EDDM13: variants seen among roughly 807,000 people sequenced by gnomAD.
EDDM13 encodes the protein epididymal protein 13.
EDDM13 carries 24 observed loss-of-function variants against 17.8 expected under a neutral mutation model. The observed-to-expected ratio is 1.35, with a 90% CI of 0.98 to 1.90. The LOEUF (loss-of-function observed/expected upper bound fraction) is 1.90. Ranked by LOEUF, EDDM13 falls within the 40% of genes most tolerant of loss-of-function variation. EDDM13 has a pLI of 0.00. For synonymous variants in EDDM13, 31 were observed against 37.5 expected (o/e 0.83, Z 0.63); for missense variants, 97 against 100.8 (o/e 0.96, Z 0.16).
At chr19:56,305,446 C>T (rs1398118846) in intron 14 of EDDM13, among the ~76,000 whole-genome samples, 1 of 152,210 alleles carries the variant, frequency 6.6e-6, no homozygotes, top group Non-Finnish European at 1.5e-5. Flanking sequence ...TAACACTCCA[C>T]GGCATGGACA....
At chr19:56,287,928 C>T (rs549708972) in intron 6 of EDDM13, among the ~76,000 whole-genome samples, 3 of 152,360 alleles carry the variant, frequency 2.0e-5, no homozygotes, top group African/African-American at 7.2e-5. Context: ...AGGACACTTC[C>T]AGTGTTAGCT....
chr19:56,286,852 G>A (rs751610528), intron 6 of EDDM13, among the ~76,000 whole-genome samples: 9 of 152,246 alleles, frequency 5.9e-5, no homozygotes, highest in Non-Finnish European at 1.3e-4. Context: ...CCGGCAGAGC[G>A]AATGCTAGTG....
Position 56,296,676 on chromosome 19 carries a change from G to C in EDDM13, c.268+314G>C, listed in dbSNP as rs181991645. Among the ~76,000 whole-genome samples, 211 of 152,280 alleles carry C rather than the reference G, an allele frequency of 1.4e-3. 1 individual carries two copies. The highest frequency in any genetic ancestry group is 6.2e-4 in the Non-Finnish European group (42 of 68,024). Reference sequence around the variant, plus strand: ...AACAAAGAGCAGTAGTTATAGGTCTGCTGAAGGCTATTATGTCCTATGGAG... The same window carrying C: ...AACAAAGAGCAGTAGTTATAGGTCTCCTGAAGGCTATTATGTCCTATGGAG... On this transcript the variant is annotated intron_variant, in intron 11 of 14. Transcript: ENST00000649256.
chr19:56,305,749 A>G (rs1270956351), intron 14 of EDDM13, among the ~76,000 whole-genome samples: 6 of 152,198 alleles, frequency 3.9e-5, no homozygotes, highest in African/African-American at 1.4e-4. Flanking sequence ...AGCTGAGGAT[A>G]TGATGAAAAA....
chr19:56,308,331 C>CTTTTTTT lies in EDDM13; in HGVS notation c.462-1789_462-1783dup, dbSNP rs543582885. 2.3e-3 allele frequency among the ~76,000 whole-genome samples: 336 copies of CTTTTTTT among 144,732 alleles called. 2 individuals carry two copies. The East Asian group carries it at 0.029, about 12-fold the overall frequency. 94.9% of individuals were successfully genotyped at this position (144,732 alleles called of 152,430 possible). A position where few individuals can be genotyped will look rare whatever the true frequency, so the allele number is the denominator to read the frequency against. On this transcript the variant is annotated intron_variant, in intron 14 of 14. Coordinates refer to ENST00000649256, the MANE Select transcript of EDDM13 (RefSeq NM_001354658.2). ...ACAGGCGTGAGCGGTGGCTCCCAGT[C>CTTTTTTT]TTTTTTTTTTGAGATGGAGGCTCAC...
At chr19:56,280,618 A>G (rs1347959959) in intron 2 of EDDM13, 1 of 152,188 alleles carries the variant, frequency 6.6e-6, no homozygotes. Context: ...ATGAATAGAA[A>G]TTTATTGGCT....
At chr19:56,300,984 A>G (rs941702781) in intron 12 of EDDM13, among the ~76,000 whole-genome samples, 1 of 152,104 alleles carries the variant, frequency 6.6e-6, no homozygotes, top group South Asian at 2.1e-4. Flanking sequence ...TGAGAAAGAG[A>G]AAGGATGGCG....
chr19:56,307,338 A>C (rs2040759112), intron 14 of EDDM13, among the ~76,000 whole-genome samples: 1 of 152,194 alleles, frequency 6.6e-6, no homozygotes, highest in South Asian at 2.1e-4. Context: ...TAAATCCACC[A>C]GTGGAAACTC....
intron 14 of EDDM13, among the ~76,000 whole-genome samples, chr19:56,307,452 T>A (rs191725740): frequency 1.3e-5 from 2 of 152,358 alleles, no homozygotes; most frequent in East Asian, 3.9e-4. Context: ...AATTCTAAGT[T>A]GCTTTTCATT....
At chr19:56,275,637 C>CT (rs1361517795) in intron 1 of EDDM13, among the ~76,000 whole-genome samples, 1 of 152,174 alleles carries the variant, frequency 6.6e-6, no homozygotes, top group Admixed American at 6.5e-5. Flanking sequence ...AGTGTGATGA[C>CT]CACAGATTCT....
At chr19:56,286,150 T>C (rs1452678077) in intron 6 of EDDM13, among the ~76,000 whole-genome samples, 2 of 151,876 alleles carry the variant, frequency 1.3e-5, no homozygotes, top group South Asian at 2.1e-4. Flanking sequence ...GCCTCCCGAG[T>C]AGCTGGGACT....
At chr19:56,285,097 A>G (rs2086877165) in intron 6 of EDDM13, 73 bp downstream of exon 6, 1 of 797,138 alleles carries the variant, frequency 1.3e-6, no homozygotes, top group Non-Finnish European at 1.5e-6. Flanking sequence ...TTATTGAGTC[A>G]TTTATGCTTT....
intron 12 of EDDM13, among the ~76,000 whole-genome samples, chr19:56,299,156 C>T (rs966595440): frequency 1.3e-5 from 2 of 151,564 alleles, no homozygotes; most frequent in Non-Finnish European, 2.9e-5. Context: ...TTTTGAGACA[C>T]GGTCTAGCTT....
Position 56,299,844 on chromosome 19 carries a change from G to A in EDDM13, c.296-2124G>A, listed in dbSNP as rs1486327526. The A allele has an allele frequency of 7.2e-5, 11 of 152,274 alleles. No individual in the cohort carries two copies. The East Asian group carries it at 1.5e-3, about 21-fold the overall frequency. The allele number at this position is 152,274 out of a possible 1,614,324, so 9.4% of individuals were successfully genotyped here. The stretch of plus-strand genomic sequence containing the variant: ...TGGGTCCTCAGATGCAGAGTCCAGC[G>A]ACACAGAGGGCTGAGGGTGTAGAAC... On this transcript the variant is annotated intron_variant, in intron 12 of 14. Transcript: ENST00000649256.
chr19:56,301,738 T>C (rs1441504748), intron 12 of EDDM13, among the ~76,000 whole-genome samples: 2 of 152,100 alleles, frequency 1.3e-5, no homozygotes, highest in African/African-American at 4.8e-5. Context: ...GGTGATGTCT[T>C]GGATGTGAGG....
In EDDM13 at chr19:56,307,665, T is replaced by C. The variant is rs373401814; in HGVS notation, c.462-2459T>C. Reference sequence around the variant, plus strand: ...GAGATAAGTCACTGCAAATGCCTAATAGTTTGCCTTGTGAAGTGTACATGC... The same window carrying C: ...GAGATAAGTCACTGCAAATGCCTAACAGTTTGCCTTGTGAAGTGTACATGC... On this transcript the variant is annotated intron_variant, in intron 14 of 14. Transcript: ENST00000649256. Among the ~76,000 whole-genome samples the C allele has an allele frequency of 4.7e-4, 72 of 152,334 alleles. No homozygotes were observed. In the South Asian group the frequency reaches 5.6e-3, roughly 12 times the overall value.
chr19:56,295,595 A>AAAAACAAAAAACAAAAC (rs2039818362), intron 9 of EDDM13, among the ~76,000 whole-genome samples: 1 of 152,110 alleles, frequency 6.6e-6, no homozygotes, highest in African/African-American at 2.4e-5. Context: ...ACTCCGTCTA[A>AAAAACAAAAAACAAAAC]AAAACAAAAA....
At chr19:56,295,503 G>A (rs925848458) in intron 9 of EDDM13, among the ~76,000 whole-genome samples, 12 of 152,098 alleles carry the variant, frequency 7.9e-5, no homozygotes, top group African/African-American at 2.9e-4. Context: ...GCTGAGGCAG[G>A]AGAATCGCTT....
chr19:56,285,021 G>GA lies in EDDM13; in HGVS notation c.152dup (p.Asp51GlufsTer21). ...AGGTCTCATGAGCAGACTGTCACCGGATGGTAAGTGTCAGGATTGTATCTT... is the reference window on the plus strand; with the variant it reads ...AGGTCTCATGAGCAGACTGTCACCGGAATGGTAAGTGTCAGGATTGTATCTT... On this transcript the variant is annotated frameshift_variant, in exon 6 of 15. Coordinates refer to ENST00000649256, the MANE Select transcript of EDDM13 (RefSeq NM_001354658.2). LOFTEE classifies it high-confidence loss of function. The GA allele has an allele frequency of 3.0e-6, 3 of 985,350 alleles. No individual in the cohort carries two copies. Among genetic ancestry groups the GA allele is most frequent in the Non-Finnish European group, 3.6e-6 (3 of 829,862 alleles). 61.0% of individuals were successfully genotyped at this position (985,350 alleles called of 1,614,324 possible).
Sources: allele counts gnomAD v4.1 joint callset (sites outside exome capture counted in the v4.1 genomes callset), GRCh38; gene constraint gnomAD v4.1.1; transcripts MANE v1.5; gene names NCBI Gene and HGNC (gene_info 2026-07-23, HGNC 2026-07-21).